INSC: variants seen among roughly 807,000 people sequenced by gnomAD.
The protein encoded by INSC is INSC spindle orientation adaptor protein, also known as protein inscuteable homolog.
In INSC, 67 loss-of-function variants were observed where a neutral mutation model predicts 58.6. That is an observed-to-expected ratio of 1.14 (90% CI 0.94 to 1.40). The LOEUF is 1.40. Ranked by LOEUF, INSC falls within the 40% of genes most tolerant of loss-of-function variation. The probability of loss-of-function intolerance (pLI) is 0.00; values close to 1 mark genes in which losing one functional copy is unlikely to be tolerated. For missense variants in INSC, 714 were observed against 692.0 expected, an observed-to-expected ratio of 1.03 and a Z score of -0.36; for synonymous variants, 262 against 276.1, an observed-to-expected ratio of 0.95 and a Z score of 0.51.
the INSC span, among the ~76,000 whole-genome samples, chr11:15,254,982 T>C: frequency 6.6e-6 from 1 of 152,246 alleles, no homozygotes. Flanking sequence ...ACTGTATATG[T>C]ACTACTTCAC....
chr11:15,187,960 A>C (rs11023463), intron 5 of INSC, among the ~76,000 whole-genome samples: 33,561 of 152,096 alleles, frequency 0.22, 4,704 homozygotes, highest in East Asian at 0.72. Flanking sequence ...TGATGGATGC[A>C]GAGGAGGAAG....
At chr11:15,129,464 A>G (rs1848074986) in intron 1 of INSC, among the ~76,000 whole-genome samples, 1 of 152,210 alleles carries the variant, frequency 6.6e-6, no homozygotes, top group Non-Finnish European at 1.5e-5. Context: ...GAATATTTAG[A>G]TCCGTTTATG....
At chr11:15,151,713 C>A (rs1436944994) in intron 2 of INSC, among the ~76,000 whole-genome samples, 1 of 152,168 alleles carries the variant, frequency 6.6e-6, no homozygotes, top group East Asian at 1.9e-4. Flanking sequence ...TGCCCTCCAC[C>A]ATCACAGCCT....
chr11:15,162,422 A>G (rs367684307), intron 2 of INSC, among the ~76,000 whole-genome samples: 1 of 152,282 alleles, frequency 6.6e-6, no homozygotes, highest in East Asian at 1.9e-4. Context: ...TGTTTGCTCA[A>G]TCTTAGCTTC....
the INSC span, among the ~76,000 whole-genome samples, chr11:15,269,542 T>C: frequency 6.6e-6 from 1 of 151,932 alleles, no homozygotes; most frequent in African/African-American, 2.4e-5. Context: ...TTTTTGTTTG[T>C]TTCTTTTTCT....
intron 10 of INSC, among the ~76,000 whole-genome samples, chr11:15,237,292 G>A (rs1465117030): frequency 6.6e-6 from 1 of 152,214 alleles, no homozygotes; most frequent in African/African-American, 2.4e-5. Context: ...GGTTGGCATG[G>A]TGGTTGAGGT....
intron 1 of INSC, among the ~76,000 whole-genome samples, chr11:15,146,319 G>A (rs138361867): frequency 6.6e-6 from 1 of 152,308 alleles, no homozygotes; most frequent in East Asian, 1.9e-4. Context: ...GGTCAGGACT[G>A]TTCCTAATCC....
At chr11:15,133,545 G>T (rs761930830) in intron 1 of INSC, among the ~76,000 whole-genome samples, 1 of 151,960 alleles carries the variant, frequency 6.6e-6, no homozygotes, top group Non-Finnish European at 1.5e-5. Flanking sequence ...TGACATAGAC[G>T]GTTTATTTTC....
At chr11:15,260,520 T>C in the INSC span, among the ~76,000 whole-genome samples, 1 of 152,132 alleles carries the variant, frequency 6.6e-6, no homozygotes, top group Non-Finnish European at 1.5e-5. Context: ...ATCTATGAAA[T>C]GAGAATAACA....
chr11:15,117,908 C>G (rs764293440), intron 1 of INSC, among the ~76,000 whole-genome samples: 1 of 152,120 alleles, frequency 6.6e-6, no homozygotes, highest in Non-Finnish European at 1.5e-5. Flanking sequence ...ATGAATTGGG[C>G]CATTGATAAA....
intron 2 of INSC, among the ~76,000 whole-genome samples, chr11:15,171,038 G>A (rs1339555493): frequency 6.6e-6 from 1 of 152,168 alleles, no homozygotes; most frequent in Non-Finnish European, 1.5e-5. Flanking sequence ...CAATAACTAA[G>A]TATATACCTC....
intron 2 of INSC, among the ~76,000 whole-genome samples, chr11:15,171,693 G>A (rs1001006566): frequency 1.3e-5 from 2 of 152,184 alleles, no homozygotes; most frequent in Non-Finnish European, 2.9e-5. Context: ...AGTTATCTGT[G>A]CACTTGTGTC....
chr11:15,254,039 T>A, the INSC span, among the ~76,000 whole-genome samples: 2 of 152,234 alleles, frequency 1.3e-5, no homozygotes, highest in African/African-American at 4.8e-5. Context: ...CTAATGCTGA[T>A]GGTATTTATT....
chr11:15,113,786 G>A (rs1564852048), upstream of INSC, among the ~76,000 whole-genome samples: 1 of 152,170 alleles, frequency 6.6e-6, no homozygotes, highest in Non-Finnish European at 1.5e-5. Flanking sequence ...GTGTGTTCGA[G>A]TCCAGGGAGC....
chr11:15,226,532 C>T (rs1051927700), intron 9 of INSC, among the ~76,000 whole-genome samples: 1 of 152,172 alleles, frequency 6.6e-6, no homozygotes, highest in African/African-American at 2.4e-5. Context: ...CCCACATCAC[C>T]ACCAAGGAGT....
chr11:15,175,652 T>A (rs917668244), intron 2 of INSC, 89 bp from the exon 3 acceptor site: 1 of 929,220 alleles, frequency 1.1e-6, no homozygotes, highest in Non-Finnish European at 1.6e-6. Context: ...ATATAATAGG[T>A]GCTTAGTAAA....
At chr11:15,159,511 A>G in intron 2 of INSC, among the ~76,000 whole-genome samples, 1 of 152,240 alleles carries the variant, frequency 6.6e-6, no homozygotes. Context: ...CTGCCATGAA[A>G]ATTCATGACA....
downstream of INSC, among the ~76,000 whole-genome samples, chr11:15,249,210 G>T (rs1390873524): frequency 3.3e-5 from 5 of 152,200 alleles, no homozygotes; most frequent in African/African-American, 9.7e-5. Context: ...GAGAAGAGTA[G>T]AGATTGGATC....
intron 1 of INSC, among the ~76,000 whole-genome samples, chr11:15,131,048 G>A (rs1848114263): frequency 6.6e-6 from 1 of 151,846 alleles, no homozygotes; most frequent in Non-Finnish European, 1.5e-5. Context: ...TTTTCCCTCT[G>A]ATACTTTCTT....
Sources: gnomAD v4.1 joint callset for allele counts (sites outside exome capture counted in the v4.1 genomes callset) on GRCh38, gnomAD v4.1.1 for gene constraint, MANE v1.5 for transcripts, NCBI Gene and HGNC (gene_info 2026-07-23, HGNC 2026-07-21) for gene names.